CADPS: variants seen among roughly 807,000 people sequenced by gnomAD.
CADPS encodes calcium-dependent secretion activator 1.
In CADPS, 57 loss-of-function variants were observed where a neutral mutation model predicts 167.3. That is an observed-to-expected ratio of 0.34 (90% CI 0.28 to 0.42). The LOEUF (loss-of-function observed/expected upper bound fraction) is 0.42. Among genes scored for constraint, CADPS ranks in the 20% least tolerant of loss-of-function variants. The pLI is 1.00. For synonymous variants in CADPS, 676 were observed against 635.3 expected, an observed-to-expected ratio of 1.06 and a Z score of -0.96; for missense variants, 1,414 against 1,738.1, an observed-to-expected ratio of 0.81 and a Z score of 3.32.
chr3:62,870,387 C>A (rs769323602), intron 1 of CADPS, among the ~76,000 whole-genome samples: 2 of 152,094 alleles, frequency 1.3e-5, no homozygotes, highest in Non-Finnish European at 2.9e-5. Context: ...CACATACTTG[C>A]GCTCTCTCTC....
intron 1 of CADPS, among the ~76,000 whole-genome samples, chr3:62,797,617 G>C (rs1205434342): frequency 6.6e-6 from 1 of 152,040 alleles, no homozygotes; most frequent in Non-Finnish European, 1.5e-5. Flanking sequence ...TAAATGATGA[G>C]AACACATGGA....
chr3:62,507,398 C>T (rs2066887529), intron 17 of CADPS, among the ~76,000 whole-genome samples: 1 of 151,924 alleles, frequency 6.6e-6, no homozygotes, highest in Admixed American at 6.6e-5. Context: ...TTGCTTGTTT[C>T]ATGTCTCTGT....
At chr3:62,404,304 C>T (rs954881637) in intron 28 of CADPS, 7 of 152,516 alleles carry the variant, frequency 4.6e-5, no homozygotes, top group South Asian at 4.1e-4. Context: ...CACATGCACG[C>T]GCGCGCACAC....
At chr3:62,627,357 T>G (rs981162724) in intron 6 of CADPS, among the ~76,000 whole-genome samples, 2 of 152,168 alleles carry the variant, frequency 1.3e-5, no homozygotes, top group Admixed American at 6.5e-5. Context: ...GCTTTGCAAA[T>G]TGTACTTATG....
intron 3 of CADPS, among the ~76,000 whole-genome samples, chr3:62,708,795 T>C (rs558827829): frequency 7.2e-5 from 11 of 152,026 alleles, no homozygotes; most frequent in Non-Finnish European, 1.3e-4. Flanking sequence ...TGAGCAGCTG[T>C]GACATCTGCA....
intron 1 of CADPS, among the ~76,000 whole-genome samples, chr3:62,789,072 T>G (rs774632374): frequency 5.3e-5 from 8 of 152,192 alleles, no homozygotes; most frequent in Admixed American, 2.0e-4. Flanking sequence ...TTGATTTTAT[T>G]GGCCAGATTG....
chr3:62,610,450 CG>C (rs1338557208), intron 6 of CADPS, among the ~76,000 whole-genome samples: 1 of 152,048 alleles, frequency 6.6e-6, no homozygotes, highest in Non-Finnish European at 1.5e-5. Flanking sequence ...AGGGTTTCAC[CG>C]GGTTGGCCAG....
At chr3:62,405,605 T>C (rs560632989) in intron 28 of CADPS, among the ~76,000 whole-genome samples, 31 of 151,962 alleles carry the variant, frequency 2.0e-4, no homozygotes, top group East Asian at 1.2e-3. Context: ...GCCGAAAGGA[T>C]AGGGAGGTAG....
At chr3:62,716,426 A>T (rs11709542) in intron 3 of CADPS, among the ~76,000 whole-genome samples, 12,055 of 152,294 alleles carry the variant, frequency 0.079, 630 homozygotes, top group Non-Finnish European at 0.12. Context: ...CTTAGGGTTC[A>T]GACCTAAATG....
chr3:62,521,189 C>T (rs779381396), intron 13 of CADPS, among the ~76,000 whole-genome samples: 10 of 152,114 alleles, frequency 6.6e-5, no homozygotes, highest in Middle Eastern at 3.4e-3. Flanking sequence ...GCTGCTGGTT[C>T]GAGGACCACA....
intron 17 of CADPS, among the ~76,000 whole-genome samples, chr3:62,509,291 C>CAAAAAAAA (rs756659299): frequency 9.7e-6 from 1 of 103,128 alleles, no homozygotes; most frequent in Admixed American, 1.0e-4. Flanking sequence ...GACTCTGTCT[C>CAAAAAAAA]AAAAAAAAAA....
Position 62,536,671 on chromosome 3 carries a change from C to T in CADPS, c.1967-90G>A, listed in dbSNP as rs2074750109. On this transcript the variant is annotated intron_variant, in intron 11 of 29. Coordinates refer to ENST00000383710, the MANE Select transcript of CADPS (RefSeq NM_003716.4). ...TTCAAATACACAGGAATTCACTAGA[C>T]ATTATGAACGTTAGCTGTTTCCCCG... 1.1e-5 allele frequency: 15 copies of T among 1,319,680 alleles called. No homozygotes were observed. The Middle Eastern group carries it at 5.6e-4, about 49-fold the overall frequency. 81.7% of individuals were successfully genotyped at this position (1,319,680 alleles called of 1,614,324 possible).
At chr3:62,769,452 G>A (rs1468934860) in intron 1 of CADPS, among the ~76,000 whole-genome samples, 7 of 151,948 alleles carry the variant, frequency 4.6e-5, no homozygotes, top group Admixed American at 2.0e-4. Context: ...GGCTGGTCTC[G>A]AACTCCTGAC....
intron 3 of CADPS, among the ~76,000 whole-genome samples, chr3:62,715,818 G>C (rs1054192069): frequency 7.7e-6 from 1 of 129,100 alleles, no homozygotes; most frequent in African/African-American, 2.8e-5. Context: ...GTGCAGTGGC[G>C]CGATCTCAGC....
At chr3:62,693,516 A>T (rs760469773) in intron 3 of CADPS, among the ~76,000 whole-genome samples, 5 of 152,020 alleles carry the variant, frequency 3.3e-5, no homozygotes, top group Non-Finnish European at 7.4e-5. Flanking sequence ...CTGTAATCCC[A>T]GCAGTGGCTC....
At chr3:62,735,044 C>T (rs576455511) in intron 3 of CADPS, among the ~76,000 whole-genome samples, 1 of 152,086 alleles carries the variant, frequency 6.6e-6, no homozygotes, top group Non-Finnish European at 1.5e-5. Context: ...TAGGTATGTT[C>T]CCTGGAGAAA....
At chr3:62,833,337 T>C (rs1167151879) in intron 1 of CADPS, among the ~76,000 whole-genome samples, 1 of 151,688 alleles carries the variant, frequency 6.6e-6, no homozygotes, top group Non-Finnish European at 1.5e-5. Context: ...AAAATTGTAA[T>C]AGAGATGAGG....
At chr3:62,732,888 G>A (rs1329095923) in intron 3 of CADPS, among the ~76,000 whole-genome samples, 1 of 152,192 alleles carries the variant, frequency 6.6e-6, no homozygotes, top group East Asian at 1.9e-4. Context: ...GTAAGAAGTT[G>A]CCAAGGGTCA....
At chr3:62,435,053 T>G (rs576350010) in intron 28 of CADPS, among the ~76,000 whole-genome samples, 1 of 152,152 alleles carries the variant, frequency 6.6e-6, no homozygotes, top group South Asian at 2.1e-4. Flanking sequence ...AGATATATAT[T>G]TTTTTCTTCA....
Sources: allele counts gnomAD v4.1 joint callset (sites outside exome capture counted in the v4.1 genomes callset), GRCh38; gene constraint gnomAD v4.1.1; transcripts MANE v1.5; gene names NCBI Gene and HGNC (gene_info 2026-07-23, HGNC 2026-07-21).